The following CDH20 variants were observed in gnomAD, a reference collection of about 807,000 sequenced individuals.
CDH20 encodes cadherin 20.
CDH20 carries 29 observed loss-of-function variants against 74.2 expected under a neutral mutation model. The observed-to-expected ratio is 0.39, with a 90% CI of 0.29 to 0.53. The LOEUF is 0.53. Ranked by LOEUF, CDH20 falls within the 20% of genes least tolerant of loss-of-function variation. The pLI is 0.69. For synonymous variants in CDH20, 469 were observed against 405.4 expected (o/e 1.16, Z -1.88); for missense variants, 988 against 1,048.3 (o/e 0.94, Z 0.79).
At chr18:61,347,328 AC>A (rs1910158344) in intron 1 of CDH20, among the ~76,000 whole-genome samples, 1 of 129,774 alleles carries the variant, frequency 7.7e-6, no homozygotes, top group Non-Finnish European at 1.5e-5. Flanking sequence ...ATACACACAC[AC>A]ACACACACAC....
In CDH20 at chr18:61,549,495, G is replaced by A. The variant is rs1353366490; in HGVS notation, c.1649-483G>A. Among the ~76,000 whole-genome samples, 4 of 152,182 alleles carry A rather than the reference G, an allele frequency of 2.6e-5. No homozygotes were observed. In the South Asian group the frequency reaches 6.2e-4, roughly 24 times the overall value. On this transcript the variant is annotated intron_variant, in intron 10 of 11. Coordinates refer to ENST00000262717, the MANE Select transcript of CDH20 (RefSeq NM_031891.4). ...AGCATAAAAGAAAATAGTAAAAGAC[G>A]TGAATTCCAGACAAAGCGGCAAAAA...
In CDH20 at chr18:61,554,583, C is replaced by T. The variant is rs1913561085; in HGVS notation, c.2294C>T (p.Ser765Leu). The T allele has an allele frequency of 6.2e-7, 1 of 1,608,958 alleles. No individual in the cohort carries two copies. Among genetic ancestry groups the T allele is most frequent in the South Asian group, 1.1e-5 (1 of 90,320 alleles). The change falls in exon 12 of 12, where the codon TCG (serine) becomes TTG (leucine). Residue 765 changes from serine to leucine, a missense_variant. Physicochemically the swap from Ser to Leu is moderately radical, Grantham distance 145. Coordinates refer to ENST00000262717, the MANE Select transcript of CDH20 (RefSeq NM_031891.4). ...SVAGSLSSLQ[S>L]ATSDSEQSFD... Reference sequence around the variant, plus strand: ...GCGGGGTCGCTGAGCTCCCTGCAGTCGGCCACGTCGGACTCGGAACAGAGC... The same window carrying T: ...GCGGGGTCGCTGAGCTCCCTGCAGTTGGCCACGTCGGACTCGGAACAGAGC...
chr18:61,501,158 C>G (rs1308816640), intron 4 of CDH20, among the ~76,000 whole-genome samples: 1 of 152,160 alleles, frequency 6.6e-6, no homozygotes, highest in South Asian at 2.1e-4. Context: ...GAAGCTCTCA[C>G]AGGGAGGACA....
At chr18:61,426,564 C>G (rs1199200533) in intron 1 of CDH20, among the ~76,000 whole-genome samples, 1 of 152,144 alleles carries the variant, frequency 6.6e-6, no homozygotes, top group African/African-American at 2.4e-5. Flanking sequence ...TGCAGCCTTA[C>G]AGTTAAATCG....
At chr18:61,492,207 A>T (rs935000851) in intron 2 of CDH20, among the ~76,000 whole-genome samples, 2 of 152,004 alleles carry the variant, frequency 1.3e-5, no homozygotes, top group African/African-American at 4.8e-5. Context: ...ATTTCCTAAA[A>T]CCAGAGAACT....
At chr18:61,354,467 G>C (rs1241973680) in intron 1 of CDH20, among the ~76,000 whole-genome samples, 3 of 152,130 alleles carry the variant, frequency 2.0e-5, no homozygotes, top group African/African-American at 7.2e-5. Context: ...AAATTAGCCG[G>C]GCGTGGTAAT....
intron 6 of CDH20, among the ~76,000 whole-genome samples, chr18:61,526,874 A>G (rs889751913): frequency 4.6e-5 from 7 of 152,184 alleles, no homozygotes; most frequent in Non-Finnish European, 7.3e-5. Flanking sequence ...TAAAAGGTCA[A>G]ATAAGGGTTT....
chr18:61,512,305 C>T (rs1363506602), intron 6 of CDH20, among the ~76,000 whole-genome samples: 2 of 152,066 alleles, frequency 1.3e-5, no homozygotes, highest in Non-Finnish European at 2.9e-5. Context: ...GCATGATGTA[C>T]CATTTTCTAG....
At chr18:61,465,334 A>G (rs1320342517) in intron 1 of CDH20, among the ~76,000 whole-genome samples, 8 of 152,204 alleles carry the variant, frequency 5.3e-5, no homozygotes, top group African/African-American at 1.2e-4. Context: ...GCCTCTCTCA[A>G]TCATAACTTT....
intron 2 of CDH20, among the ~76,000 whole-genome samples, chr18:61,494,554 G>A (rs1911066396): frequency 6.6e-6 from 1 of 152,040 alleles, no homozygotes; most frequent in African/African-American, 2.4e-5. Context: ...CTTTTGAAAG[G>A]GAATTCATCC....
intron 6 of CDH20, among the ~76,000 whole-genome samples, chr18:61,524,725 A>C (rs1912325294): frequency 6.6e-6 from 1 of 152,206 alleles, no homozygotes; most frequent in African/African-American, 2.4e-5. Flanking sequence ...GTTCAAGACC[A>C]GCCTGGCCCA....
intron 1 of CDH20, among the ~76,000 whole-genome samples, chr18:61,382,893 G>T (rs1298029140): frequency 6.6e-6 from 1 of 152,168 alleles, no homozygotes; most frequent in East Asian, 1.9e-4. Context: ...CAGGAGGAAA[G>T]AATATAATAT....
intron 6 of CDH20, among the ~76,000 whole-genome samples, chr18:61,513,237 G>T (rs1403005337): frequency 6.9e-6 from 1 of 144,826 alleles, no homozygotes; most frequent in African/African-American, 2.6e-5. Context: ...TTGTTGAATT[G>T]ATCCCTTTAC....
chr18:61,402,360 T>C (rs8088405), intron 1 of CDH20, among the ~76,000 whole-genome samples: 130,231 of 152,122 alleles, frequency 0.86, 55,812 homozygotes, highest in East Asian at 0.87. Context: ...CTTCCAAATA[T>C]AGGACAACAT....
intron 6 of CDH20, among the ~76,000 whole-genome samples, chr18:61,524,168 T>C (rs1344409908): frequency 1.3e-5 from 2 of 152,110 alleles, no homozygotes; most frequent in Non-Finnish European, 2.9e-5. Flanking sequence ...GAATATAAAA[T>C]ATACAAAGAC....
At chr18:61,518,487 C>T (rs940149636) in intron 6 of CDH20, among the ~76,000 whole-genome samples, 5 of 144,412 alleles carry the variant, frequency 3.5e-5, no homozygotes, top group East Asian at 1.9e-4. Flanking sequence ...GAGTCTGGAG[C>T]GGACCTCCAG....
intron 1 of CDH20, among the ~76,000 whole-genome samples, chr18:61,352,563 T>C (rs1910342201): frequency 6.6e-6 from 1 of 152,226 alleles, no homozygotes; most frequent in Admixed American, 6.5e-5. Context: ...ATCATGTCTA[T>C]AACTTCTGTC....
At chr18:61,436,195 A>T (rs796846306) in intron 1 of CDH20, among the ~76,000 whole-genome samples, 4 of 152,292 alleles carry the variant, frequency 2.6e-5, no homozygotes, top group African/African-American at 9.6e-5. Context: ...GGTTGTTTCC[A>T]CATTTTGGCT....
intron 1 of CDH20, among the ~76,000 whole-genome samples, chr18:61,336,681 G>C (rs1197473886): frequency 2.6e-5 from 4 of 152,048 alleles, no homozygotes; most frequent in Non-Finnish European, 4.4e-5. Flanking sequence ...AGTGAGCACT[G>C]TTTGGCCAAG....
Sources: allele counts gnomAD v4.1 joint callset (sites outside exome capture counted in the v4.1 genomes callset), GRCh38; gene constraint gnomAD v4.1.1; transcripts MANE v1.5; gene names NCBI Gene and HGNC (gene_info 2026-07-23, HGNC 2026-07-21).